SEC16B: variants seen among roughly 807,000 people sequenced by gnomAD.
SEC16B encodes the protein SEC16 homolog B, endoplasmic reticulum export factor, also known as protein transport protein Sec16B.
SEC16B carries 115 observed loss-of-function variants against 141.8 expected under a neutral mutation model. That is an observed-to-expected ratio of 0.81 (90% confidence interval 0.70 to 0.95). The LOEUF is 0.95. Among genes scored for constraint, SEC16B ranks in the 40% least tolerant of loss-of-function variants. The probability of loss-of-function intolerance (pLI) is 0.00; values close to 1 mark genes in which losing one functional copy is unlikely to be tolerated. For missense variants in SEC16B, 1,291 were observed against 1,312.3 expected (o/e 0.98, Z 0.25); for synonymous variants, 493 against 492.5 (o/e 1.00, Z -0.01).
intron 12 of SEC16B, among the ~76,000 whole-genome samples, chr1:177,949,229 A>T (rs527984754): frequency 2.6e-5 from 4 of 152,166 alleles, no homozygotes; most frequent in Non-Finnish European, 5.9e-5. Context: ...CTCATGTGTC[A>T]CATCGAACCA....
chr1:177,968,669 G>T (rs1463768371), intron 1 of SEC16B, among the ~76,000 whole-genome samples: 1 of 152,198 alleles, frequency 6.6e-6, no homozygotes, highest in Non-Finnish European at 1.5e-5. Context: ...AGTGGCTGAA[G>T]ATGTTTATTA....
chr1:177,960,662 C>T (rs1652986585), intron 7 of SEC16B, 129 bp downstream of exon 7: 3 of 1,042,300 alleles, frequency 2.9e-6, no homozygotes, highest in Non-Finnish European at 2.8e-6. Context: ...GGTACATGGC[C>T]CAGTTTCCCG....
intron 1 of SEC16B, among the ~76,000 whole-genome samples, chr1:177,981,680 A>G (rs548860339): frequency 6.6e-6 from 1 of 152,302 alleles, no homozygotes; most frequent in Admixed American, 6.5e-5. Flanking sequence ...TAGAAGTTAC[A>G]TACATTATTA....
chr1:177,965,118 T>A lies in SEC16B; in HGVS notation c.462A>T (p.Gln154His). The change falls in exon 4 of 26, where the codon CAA (glutamine) becomes CAT (histidine). Residue 154 changes from glutamine (Q) to histidine (H), a missense_variant. Physicochemically the swap from Gln to His is conservative, Grantham distance 24. Coordinates refer to ENST00000308284, the MANE Select transcript of SEC16B (RefSeq NM_033127.4). The part of the protein sequence containing the change: ...PYIWHEDYRE[Q>H]KYLDEHHYEN... ...CATAATGATGTTCATCAAGGTACTTTTGCTCTCGGTAATCTTCGTGCCAGA... is the reference window on the plus strand; with the variant it reads ...CATAATGATGTTCATCAAGGTACTTATGCTCTCGGTAATCTTCGTGCCAGA... The A allele has an allele frequency of 6.2e-7, 1 of 1,613,708 alleles. No homozygotes were observed.
In SEC16B at chr1:177,941,934, C is replaced by G. The variant is rs755365490; in HGVS notation, c.1988G>C (p.Ser663Thr). The change falls in exon 16 of 26, where the codon AGC becomes ACC. Residue 663 changes from serine to threonine, a missense_variant. Around this residue, in one of 3 missense-constraint regions of SEC16B, gnomAD observed 605 missense variants for 614.1 expected, o/e 0.99. Coordinates refer to ENST00000308284, the MANE Select transcript of SEC16B (RefSeq NM_033127.4). ...IGAAVLSQGE[S>T]SHPVLLVELI... ...TTCCACTAATAGCACAGGGTGACTG[C>G]TCTCTCCCTGGCTCAAGACAGCTGC... 2 of 1,613,926 alleles carry G rather than the reference C, an allele frequency of 1.2e-6. No individual in the cohort carries two copies. Among genetic ancestry groups the G allele is most frequent in the Admixed American group, 3.3e-5 (2 of 60,008 alleles).
chr1:177,948,517 C>G (rs1033479660), intron 12 of SEC16B: 1 of 1,304,126 alleles, frequency 7.7e-7, no homozygotes, highest in African/African-American at 1.5e-5. Flanking sequence ...AGTGGCCCAG[C>G]TAGGACGATG....
chr1:177,983,005 A>C (rs1654482259), intron 1 of SEC16B, among the ~76,000 whole-genome samples: 1 of 152,154 alleles, frequency 6.6e-6, no homozygotes, highest in Admixed American at 6.5e-5. Context: ...ATTTAGGAGA[A>C]TCCTTCAAGT....
rs1571346862 is a variant in SEC16B, at chr1:177,964,284, A to C, written c.534-5T>G. 1.2e-6 allele frequency: 2 copies of C among 1,608,228 alleles called. No homozygotes were observed. The highest frequency in any genetic ancestry group is 4.5e-5 in the East Asian group (2 of 44,648). On this transcript the variant is annotated splice_region_variant and splice_polypyrimidine_tract_variant and intron_variant, in intron 4 of 25. Transcript: ENST00000308284. ...CAAGGGTTCCTACTGTTAGATCTGC[A>C]GCAAAATGACAGGAGCAGTGAGCGG...
At position 177,958,252 on chromosome 1, in the gene SEC16B, GTCC is replaced by G; in HGVS notation, c.1242_1244del (p.Glu414del). 1 of 1,610,552 alleles carries G rather than the reference GTCC, an allele frequency of 6.2e-7. No homozygotes were observed. The highest frequency in any genetic ancestry group is 2.2e-5 in the East Asian group (1 of 44,768). On this transcript the variant is annotated inframe_deletion, in exon 10 of 26. Coordinates refer to ENST00000308284, the MANE Select transcript of SEC16B (RefSeq NM_033127.4). The stretch of plus-strand genomic sequence containing the variant: ...GGGTCCCAGAGCTCAGCACTGGCCA[GTCC>G]TCATCGGTCAGGTTGATGAGGTTGG...
chr1:177,933,341 C>G (rs767100403), intron 21 of SEC16B, 29 bp from the exon 22 acceptor site: 2 of 1,575,082 alleles, frequency 1.3e-6, no homozygotes, highest in Non-Finnish European at 1.7e-6. Flanking sequence ...ATTTTATGAC[C>G]TGCAGGTTGG....
intron 17 of SEC16B, among the ~76,000 whole-genome samples, 176 bp downstream of exon 17, chr1:177,940,434 T>C (rs954275678): frequency 6.6e-6 from 1 of 152,138 alleles, no homozygotes; most frequent in Non-Finnish European, 1.5e-5. Flanking sequence ...GCAGGGAAGC[T>C]GAGTCCCACC....
chr1:177,946,415 C>T lies in SEC16B; in HGVS notation c.1775+5G>A. 1 of 1,554,792 alleles carries T rather than the reference C, an allele frequency of 6.4e-7. No individual in the cohort carries two copies. The highest frequency in any genetic ancestry group is 8.7e-7 in the Non-Finnish European group (1 of 1,146,770). Reference sequence around the variant, plus strand: ...TTACTGTTTCCTTTCTCCCAGGTCGCATACCTGTGGCTGCTGCCCAGCAAG... The same window carrying T: ...TTACTGTTTCCTTTCTCCCAGGTCGTATACCTGTGGCTGCTGCCCAGCAAG... On this transcript the variant is annotated splice_donor_5th_base_variant and intron_variant, in intron 14 of 25. Transcript: ENST00000308284.
chr1:177,939,941 G>T (rs773990285), intron 17 of SEC16B, among the ~76,000 whole-genome samples, 164 bp from the exon 18 acceptor site: 26 of 152,150 alleles, frequency 1.7e-4, no homozygotes, highest in Non-Finnish European at 2.8e-4. Context: ...CGTGGACAGG[G>T]CTCCCAGCTC....
intron 11 of SEC16B, among the ~76,000 whole-genome samples, chr1:177,952,494 A>G (rs1652271852): frequency 6.6e-6 from 1 of 152,174 alleles, no homozygotes. Context: ...CAAGCGCTAA[A>G]TAGCCATTTT....
chr1:177,932,604 T>C, intron 23 of SEC16B, 35 bp from the exon 24 acceptor site: 1 of 1,525,588 alleles, frequency 6.6e-7, no homozygotes, highest in Admixed American at 2.1e-5. Flanking sequence ...TTTCCTCTGC[T>C]CAGGACTGGG....
intron 5 of SEC16B, among the ~76,000 whole-genome samples, chr1:177,962,019 T>C (rs1464159921): frequency 2.0e-5 from 3 of 152,152 alleles, no homozygotes; most frequent in African/African-American, 7.2e-5. Context: ...AGTGCTTTCA[T>C]CTGTGATATA....
intron 10 of SEC16B, among the ~76,000 whole-genome samples, chr1:177,956,747 C>T (rs1370487294): frequency 5.3e-5 from 8 of 152,104 alleles, no homozygotes; most frequent in Non-Finnish European, 1.0e-4. Flanking sequence ...AATACACATT[C>T]GGTAGAAACT....
upstream of SEC16B, among the ~76,000 whole-genome samples, chr1:177,973,795 A>G (rs1459236298): frequency 6.6e-6 from 1 of 152,220 alleles, no homozygotes; most frequent in East Asian, 1.9e-4. Context: ...ACAATGAGTC[A>G]CAGTACAATG....
intron 22 of SEC16B, among the ~76,000 whole-genome samples, 187 bp downstream of exon 22, chr1:177,933,027 A>T (rs1650563567): frequency 6.6e-6 from 1 of 152,122 alleles, no homozygotes; most frequent in Non-Finnish European, 1.5e-5. Context: ...AAACTTTTTA[A>T]AGCTTTTTTA....
Sources: gnomAD v4.1 joint callset for allele counts (sites outside exome capture counted in the v4.1 genomes callset) on GRCh38, gnomAD v4.1.1 for gene constraint, gnomAD v4.1.1 regional missense constraint, MANE v1.5 for transcripts, NCBI Gene and HGNC (gene_info 2026-07-23, HGNC 2026-07-21) for gene names.